The following TECTA variants were observed in gnomAD, a reference collection of about 807,000 sequenced individuals.
TECTA encodes alpha-tectorin.
Under a neutral mutation model 216.8 loss-of-function variants are expected in TECTA, and 128 were observed. The ratio of observed to expected loss-of-function variants is 0.59; its 90% CI spans 0.51 to 0.68. TECTA has a LOEUF of 0.68. TECTA is among the 30% of genes least tolerant of loss of function. The pLI, the probability that TECTA is intolerant of heterozygous loss-of-function variation, is 0.00. For synonymous variants in TECTA, 1,089 were observed against 1,117.1 expected, an observed-to-expected ratio of 0.97 and a Z score of 0.50; for missense variants, 2,551 against 2,786.2, an observed-to-expected ratio of 0.92 and a Z score of 1.90.
chr11:121,184,164 A>T (rs1003541873), intron 20 of TECTA, among the ~76,000 whole-genome samples: 2 of 152,240 alleles, frequency 1.3e-5, no homozygotes, highest in South Asian at 2.1e-4. Flanking sequence ...AAACTAGTTT[A>T]TGCAAAAACC....
rs781268885 is a variant in TECTA, at chr11:121,125,631, C to T, written c.1533C>T (p.Asp511=). Reference sequence around the variant, plus strand: ...GCGTCGACAACTGCACCCAGTGCGACGCTGCCACTGAAGCCCTCTACTTTG... The same window carrying T: ...GCGTCGACAACTGCACCCAGTGCGATGCTGCCACTGAAGCCCTCTACTTTG... The part of the protein sequence containing the change: ...SGCVDNCTQC[D]AATEALYFGS... The change falls in exon 8 of 24, where the codon GAC becomes GAT. Residue 511 remains aspartate (D), a synonymous_variant. Coordinates refer to ENST00000392793, the MANE Select transcript of TECTA (RefSeq NM_005422.4). The T allele has an allele frequency of 4.3e-5, 70 of 1,612,340 alleles. No homozygotes were observed. Among genetic ancestry groups the T allele is most frequent in the Non-Finnish European group, 5.7e-5 (67 of 1,178,722 alleles).
intron 20 of TECTA, among the ~76,000 whole-genome samples, chr11:121,174,386 A>G (rs1279285087): frequency 3.9e-5 from 6 of 151,908 alleles, no homozygotes; most frequent in Admixed American, 3.9e-4. Context: ...ATTTATTGAG[A>G]GTTTTTAGCA....
chr11:121,158,195 A>T lies in TECTA; in HGVS notation c.4660A>T (p.Ile1554Phe), dbSNP rs772997462. ...CTACTTCTACATTAACGAAGAGCAG[A>T]TTCTCATCAACGACCGGAACACGGT... Reference protein sequence around the residue: ...PVYFYINEEQILINDRNTVKV... With the variant: ...PVYFYINEEQFLINDRNTVKV... The change falls in exon 14 of 24, where the codon ATT (isoleucine) becomes TTT (phenylalanine). Residue 1554 changes from isoleucine (I) to phenylalanine (F), a missense_variant. Ile to Phe is a conservative substitution (Grantham distance 21, BLOSUM62 0). This residue lies in a region of TECTA where 2,375 missense variants were observed against 2,563.9 expected (regional missense o/e 0.93). Coordinates refer to ENST00000392793, the MANE Select transcript of TECTA (RefSeq NM_005422.4). 6.2e-7 allele frequency: 1 copy of T among 1,613,726 alleles called. No homozygotes were observed. The highest frequency in any genetic ancestry group is 8.5e-7 in the Non-Finnish European group (1 of 1,180,032).
chr11:121,176,067 G>A (rs1219124097), intron 20 of TECTA, among the ~76,000 whole-genome samples: 5 of 149,002 alleles, frequency 3.4e-5, no homozygotes, highest in Non-Finnish European at 7.4e-5. Flanking sequence ...CTTTTATTTT[G>A]AGCCTATGTG....
At chr11:121,190,049 T>G (rs907462153) in intron 23 of TECTA, 169 bp downstream of exon 23, 7 of 636,460 alleles carry the variant, frequency 1.1e-5, no homozygotes, top group Non-Finnish European at 2.0e-5. Context: ...CTAGGGCCAT[T>G]AAACAAACAA....
At chr11:121,156,274 A>C (rs1946940132) in intron 13 of TECTA, among the ~76,000 whole-genome samples, 1 of 152,198 alleles carries the variant, frequency 6.6e-6, no homozygotes, top group Non-Finnish European at 1.5e-5. Flanking sequence ...TCACAGGCTT[A>C]AGCGGTCCTC....
At chr11:121,125,223 C>G in intron 7 of TECTA, 79 bp from the exon 8 acceptor site, 2 of 1,444,500 alleles carry the variant, frequency 1.4e-6, no homozygotes, top group Non-Finnish European at 1.9e-6. Flanking sequence ...AGTTGCTTTG[C>G]CTTCCTTTCC....
chr11:121,128,096 C>T lies in TECTA; in HGVS notation c.2119C>T (p.Pro707Ser). Residue 707 changes from proline (P) to serine (S), a missense_variant, in exon 9 of 24, where the codon CCC becomes TCC. Physicochemically the swap from Pro to Ser is moderately conservative, Grantham distance 74. This residue lies in a region of TECTA where 2,375 missense variants were observed against 2,563.9 expected (regional missense o/e 0.93). Transcript: ENST00000392793. ...AVEDGYQGCF[P>S]KRETVCLLSQ... ...GGAGGACGGCTACCAGGGCTGCTTC[C>T]CCAAGCGGGAGACCGTGTGCCTGCT... is the stretch of plus-strand genomic sequence containing the variant. The T allele has an allele frequency of 6.2e-7, 1 of 1,612,828 alleles. No homozygotes were observed. The highest frequency in any genetic ancestry group is 8.5e-7 in the Non-Finnish European group (1 of 1,179,692).
intron 20 of TECTA, among the ~76,000 whole-genome samples, chr11:121,183,576 G>T (rs1947252587): frequency 6.6e-6 from 1 of 152,106 alleles, no homozygotes; most frequent in African/African-American, 2.4e-5. Flanking sequence ...GAGATCCTCT[G>T]TCCCTCTTTT....
chr11:121,189,247 T>A, intron 22 of TECTA, 80 bp downstream of exon 22: 1 of 1,407,624 alleles, frequency 7.1e-7, no homozygotes, highest in South Asian at 1.2e-5. Flanking sequence ...ACCTCTGATG[T>A]GGGTCCAGTG....
At chr11:121,114,968 C>T (rs1239634213) in intron 6 of TECTA, among the ~76,000 whole-genome samples, 12 of 40,920 alleles carry the variant, frequency 2.9e-4, no homozygotes, top group East Asian at 8.1e-4. Context: ...CATTCACCCA[C>T]CCATCCATTT....
In TECTA at chr11:121,136,417, G is replaced by A. The variant is rs1026108010; in HGVS notation, c.2942-1004G>A. Among the ~76,000 whole-genome samples, 4 of 152,252 alleles carry A rather than the reference G, an allele frequency of 2.6e-5. No individual in the cohort carries two copies. The South Asian group carries it at 6.2e-4, about 24-fold the overall frequency. On this transcript the variant is annotated intron_variant, in intron 10 of 23. Transcript: ENST00000392793. ...CTGCGGGGTGATGACCTCCTTTGCA[G>A]AGAATGATGAGGAGGTGGACGAGGC...
chr11:121,119,966 T>C (rs1201929714), intron 7 of TECTA, among the ~76,000 whole-genome samples: 1 of 152,250 alleles, frequency 6.6e-6, no homozygotes, highest in Non-Finnish European at 1.5e-5. Context: ...CTTTTAAATT[T>C]ATATTGTGCT....
At chr11:121,178,931 G>C (rs2134207052) in intron 20 of TECTA, among the ~76,000 whole-genome samples, 1 of 152,164 alleles carries the variant, frequency 6.6e-6, no homozygotes. Flanking sequence ...GGTATCAGTA[G>C]TATTATCTTC....
chr11:121,126,219 C>CT (rs1415509909), intron 8 of TECTA, among the ~76,000 whole-genome samples: 1 of 152,178 alleles, frequency 6.6e-6, no homozygotes, highest in Non-Finnish European at 1.5e-5. Context: ...GTTAATGCAG[C>CT]TGTGGGCCTG....
chr11:121,124,090 AT>A (rs1454975595), intron 7 of TECTA, among the ~76,000 whole-genome samples: 2 of 152,186 alleles, frequency 1.3e-5, no homozygotes, highest in Non-Finnish European at 1.5e-5. Flanking sequence ...TTAGAAAAGT[AT>A]TTCCTGCTCT....
intron 10 of TECTA, among the ~76,000 whole-genome samples, chr11:121,136,527 T>C (rs985330522): frequency 6.6e-6 from 1 of 152,156 alleles, no homozygotes; most frequent in Non-Finnish European, 1.5e-5. Flanking sequence ...ACATATAGCC[T>C]GTCTGTGTAA....
chr11:121,117,251 G>A (rs1946509993), intron 6 of TECTA, among the ~76,000 whole-genome samples: 2 of 152,150 alleles, frequency 1.3e-5, no homozygotes, highest in Non-Finnish European at 1.5e-5. Context: ...AGACAGGGAT[G>A]AGAAACAGCA....
At position 121,127,811 on chromosome 11, in the gene TECTA, G is replaced by A. The variant is rs143730090; in HGVS notation, c.1834G>A (p.Asp612Asn). 2.6e-4 allele frequency: 420 copies of A among 1,614,110 alleles called. No homozygotes were observed. In the African/African-American group the frequency reaches 4.5e-3, roughly 17 times the overall value. ...HYSVCTSSCP[D>N]TCSDLTASRN... ...CTCCGTGTGCACAAGCAGCTGCCCCGACACATGCTCCGACCTGACGGCCTC... is the reference window on the plus strand; with the variant it reads ...CTCCGTGTGCACAAGCAGCTGCCCCAACACATGCTCCGACCTGACGGCCTC... The change falls in exon 9 of 24, where the codon GAC becomes AAC. Residue 612 changes from aspartate (D) to asparagine (N), a missense_variant. Asp to Asn is a conservative substitution (Grantham distance 23). Around this residue, in one of 3 missense-constraint regions of TECTA, gnomAD observed 2,375 missense variants for 2,563.9 expected, o/e 0.93. Coordinates refer to ENST00000392793, the MANE Select transcript of TECTA (RefSeq NM_005422.4). The surrounding 1 kb of genome is among the most constrained non-coding windows in gnomAD (Gnocchi z 5.0).
Sources: gnomAD v4.1 joint callset for allele counts (sites outside exome capture counted in the v4.1 genomes callset) on GRCh38, gnomAD v4.1.1 for gene constraint, gnomAD v4.1.1 regional missense constraint, Gnocchi (gnomAD v3.1) non-coding constraint, MANE v1.5 for transcripts, NCBI Gene and HGNC (gene_info 2026-07-23, HGNC 2026-07-21) for gene names.